THSD7B: variants seen among roughly 807,000 people sequenced by gnomAD.
THSD7B encodes thrombospondin type-1 domain-containing protein 7B.
A neutral mutation model predicts 213.6 loss-of-function variants in THSD7B; 138 were observed. The observed-to-expected ratio is 0.65, with a 90% CI of 0.56 to 0.74. The LOEUF is 0.74. THSD7B is among the 30% of genes least tolerant of loss of function. The pLI is 0.00. For synonymous variants in THSD7B, 742 were observed against 687.0 expected, an observed-to-expected ratio of 1.08 and a Z score of -1.25; for missense variants, 1,931 against 1,991.5, an observed-to-expected ratio of 0.97 and a Z score of 0.58.
intron 3 of THSD7B, among the ~76,000 whole-genome samples, chr2:137,086,098 G>C (rs1462030982): frequency 1.3e-5 from 2 of 152,128 alleles, no homozygotes; most frequent in Non-Finnish European, 2.9e-5. Flanking sequence ...TGTAATCCCA[G>C]CACTTTGGGA....
intron 2 of THSD7B, among the ~76,000 whole-genome samples, chr2:136,945,015 A>T (rs963652199): frequency 6.6e-6 from 1 of 152,192 alleles, no homozygotes; most frequent in African/African-American, 2.4e-5. Flanking sequence ...ATGTTTTTGC[A>T]GTGGCTGGTA....
intron 15 of THSD7B, among the ~76,000 whole-genome samples, chr2:137,542,045 A>T (rs1415365055): frequency 6.6e-6 from 1 of 151,726 alleles, no homozygotes; most frequent in Non-Finnish European, 1.5e-5. Flanking sequence ...AAGATTATTT[A>T]AAGAAATAAA....
chr2:137,102,104 T>A (rs1188342098), intron 4 of THSD7B, among the ~76,000 whole-genome samples: 3 of 152,150 alleles, frequency 2.0e-5, no homozygotes, highest in South Asian at 2.1e-4. Context: ...TGGAGACACC[T>A]CCCTGCAGGA....
At chr2:137,666,122 G>A (rs1420067936) in intron 26 of THSD7B, among the ~76,000 whole-genome samples, 2 of 151,990 alleles carry the variant, frequency 1.3e-5, no homozygotes. Flanking sequence ...TGTTCTTACA[G>A]AATACATTAA....
intron 2 of THSD7B, among the ~76,000 whole-genome samples, chr2:136,913,666 G>T (rs913185896): frequency 6.6e-6 from 1 of 152,218 alleles, no homozygotes; most frequent in Admixed American, 6.5e-5. Flanking sequence ...CTTGGGCTGG[G>T]GCTTCAGAGG....
At chr2:137,186,254 T>A (rs1317928085) in intron 7 of THSD7B, among the ~76,000 whole-genome samples, 2 of 152,174 alleles carry the variant, frequency 1.3e-5, no homozygotes, top group East Asian at 3.8e-4. Context: ...ACTTGTCAAT[T>A]TTTGTTTTTG....
In THSD7B at chr2:136,853,773, G is replaced by A. The variant is rs72977575; in HGVS notation, c.-35-28371G>A. 9.7e-3 allele frequency among the ~76,000 whole-genome samples: 1,469 copies of A among 152,170 alleles called. 31 individuals carry two copies. Among genetic ancestry groups the A allele is most frequent in the African/African-American group, 0.034 (1,404 of 41,524 alleles). On this transcript the variant is annotated intron_variant, in intron 1 of 27. Coordinates refer to ENST00000409968, the MANE Select transcript of THSD7B (RefSeq NM_001316349.2). ...TCATTCTTTTTACATTTGCAGATTA[G>A]CATTCTATTGTGAGAAATAATTTTC... is the stretch of plus-strand genomic sequence containing the variant.
intron 2 of THSD7B, among the ~76,000 whole-genome samples, chr2:137,048,812 C>G (rs149608698): frequency 2.5e-4 from 38 of 152,254 alleles, no homozygotes; most frequent in African/African-American, 8.9e-4. Flanking sequence ...TTTCAGCCTC[C>G]CTAAAACATC....
intron 14 of THSD7B, among the ~76,000 whole-genome samples, chr2:137,432,236 A>G (rs1033444753): frequency 2.6e-5 from 4 of 151,966 alleles, no homozygotes; most frequent in African/African-American, 4.8e-5. Context: ...ACTAAAATCC[A>G]AAAAATTAGC....
intron 1 of THSD7B, among the ~76,000 whole-genome samples, chr2:136,820,053 C>G (rs1330077501): frequency 2.0e-5 from 3 of 152,150 alleles, no homozygotes; most frequent in Admixed American, 6.6e-5. Flanking sequence ...TAGAAGCACA[C>G]GCATTCCTCT....
At chr2:137,166,401 G>A (rs1172296131) in intron 6 of THSD7B, among the ~76,000 whole-genome samples, 1 of 152,026 alleles carries the variant, frequency 6.6e-6, no homozygotes, top group Non-Finnish European at 1.5e-5. Flanking sequence ...TTGATATATA[G>A]ACACACATTT....
At chr2:136,860,079 G>A (rs1005804) in intron 1 of THSD7B, among the ~76,000 whole-genome samples, 25,139 of 147,290 alleles carry the variant, frequency 0.17, 2,581 homozygotes, top group East Asian at 0.39. Context: ...GTGCAGCGGC[G>A]TGATCTCGGC....
At chr2:136,986,162 TTTGAG>T (rs1287042308) in intron 2 of THSD7B, among the ~76,000 whole-genome samples, 4 of 150,018 alleles carry the variant, frequency 2.7e-5, no homozygotes, top group Non-Finnish European at 6.0e-5. Flanking sequence ...ACTTGGGACT[TTTGAG>T]TTAATACTGG....
At chr2:137,438,005 C>T (rs752209684) in intron 14 of THSD7B, among the ~76,000 whole-genome samples, 1 of 152,046 alleles carries the variant, frequency 6.6e-6, no homozygotes, top group African/African-American at 2.4e-5. Flanking sequence ...AACTGTCTTC[C>T]CAACTCCCAC....
At chr2:137,624,231 G>A (rs1473098042) in intron 20 of THSD7B, among the ~76,000 whole-genome samples, 1 of 152,190 alleles carries the variant, frequency 6.6e-6, no homozygotes, top group East Asian at 1.9e-4. Flanking sequence ...ATGGGAAAAG[G>A]ATTCCCTATT....
chr2:137,100,223 C>T (rs1294346062), intron 4 of THSD7B, among the ~76,000 whole-genome samples: 2 of 152,070 alleles, frequency 1.3e-5, no homozygotes, highest in Non-Finnish European at 2.9e-5. Flanking sequence ...GGTTGTTCAC[C>T]TCCTTTGCCT....
At chr2:137,284,885 G>T (rs1053186102) in intron 12 of THSD7B, among the ~76,000 whole-genome samples, 16 of 152,096 alleles carry the variant, frequency 1.1e-4, no homozygotes, top group African/African-American at 2.4e-4. Context: ...TGTTGATTTG[G>T]GGTGGAGAGT....
rs530083828 is a variant in THSD7B, at chr2:137,471,076, C to T, written c.3138+20053C>T. On this transcript the variant is annotated intron_variant, in intron 15 of 27. Coordinates refer to ENST00000409968, the MANE Select transcript of THSD7B (RefSeq NM_001316349.2). ...CTGGGATTACAGGCACTTGCCACCACGCCTGGCTAATGTTTTATATTTTTA... is the reference window on the plus strand; with the variant it reads ...CTGGGATTACAGGCACTTGCCACCATGCCTGGCTAATGTTTTATATTTTTA... Among the ~76,000 whole-genome samples the T allele has an allele frequency of 2.8e-4, 42 of 152,044 alleles. No homozygotes were observed. In the South Asian group the frequency reaches 8.3e-3, roughly 30 times the overall value.
rs148320080 is a variant in THSD7B, at chr2:137,403,574, C to T, written c.2501-2039C>T. ...TCAGCAAATATCCATTAACATACAG[C>T]GTGTCTAAGGCATCATGCCAAATAT... is the stretch of plus-strand genomic sequence containing the variant. On this transcript the variant is annotated intron_variant, in intron 12 of 27. Transcript: ENST00000409968. 1.3e-3 allele frequency among the ~76,000 whole-genome samples: 205 copies of T among 152,288 alleles called. 1 individual carries two copies. Among genetic ancestry groups the T allele is most frequent in the African/African-American group, 4.3e-3 (177 of 41,552 alleles).
Sources: allele counts gnomAD v4.1 joint callset (sites outside exome capture counted in the v4.1 genomes callset), GRCh38; gene constraint gnomAD v4.1.1; transcripts MANE v1.5; gene names NCBI Gene and HGNC (gene_info 2026-07-23, HGNC 2026-07-21).